RGS8: variants seen among roughly 807,000 people sequenced by gnomAD.
RGS8 encodes regulator of G-protein signaling 8.
Under a neutral mutation model 21.7 loss-of-function variants are expected in RGS8, and 8 were observed. The observed-to-expected ratio is 0.37, with a 90% CI of 0.22 to 0.66. The LOEUF (loss-of-function observed/expected upper bound fraction) is 0.66, where lower values mean the gene tolerates loss of function less well. Among genes scored for constraint, RGS8 ranks in the 30% least tolerant of loss-of-function variants. The pLI is 0.59. For synonymous variants in RGS8, 80 were observed against 83.6 expected, an observed-to-expected ratio of 0.96 and a Z score of 0.24; for missense variants, 157 against 217.9, an observed-to-expected ratio of 0.72 and a Z score of 1.76.
chr1:182,703,176 C>A, the RGS8 span, among the ~76,000 whole-genome samples: 1 of 152,132 alleles, frequency 6.6e-6, no homozygotes, highest in Non-Finnish European at 1.5e-5. Context: ...GATTCCTTAC[C>A]CTCTACAAAT....
chr1:182,707,430 G>C, the RGS8 span, among the ~76,000 whole-genome samples: 1 of 152,212 alleles, frequency 6.6e-6, no homozygotes, highest in Non-Finnish European at 1.5e-5. Context: ...CCAAGTTCAA[G>C]TATGAAGCAG....
intron 5 of RGS8, among the ~76,000 whole-genome samples, chr1:182,652,015 A>G (rs1198711081): frequency 1.3e-5 from 2 of 152,162 alleles, no homozygotes; most frequent in African/African-American, 2.4e-5. Flanking sequence ...CCTCCATCTT[A>G]CCACATTTTC....
the RGS8 span, among the ~76,000 whole-genome samples, chr1:182,708,512 C>T: frequency 6.6e-6 from 1 of 152,202 alleles, no homozygotes; most frequent in African/African-American, 2.4e-5. Context: ...GGTTTGAAGC[C>T]ATCAATGGAC....
At chr1:182,712,751 C>T in the RGS8 span, 1 of 152,066 alleles carries the variant, frequency 6.6e-6, no homozygotes. Context: ...ACAATATTGA[C>T]AGTTTATATT....
chr1:182,672,586 A>G (rs1032805466), upstream of RGS8, among the ~76,000 whole-genome samples: 5 of 151,958 alleles, frequency 3.3e-5, no homozygotes, highest in Admixed American at 2.0e-4. Flanking sequence ...CTTAATGAGA[A>G]ATTTCCACCT....
chr1:182,735,419 T>G, the RGS8 span, among the ~76,000 whole-genome samples: 1 of 152,220 alleles, frequency 6.6e-6, no homozygotes, highest in Admixed American at 6.5e-5. Flanking sequence ...TGTGGTAGAA[T>G]GCTCTGTCCA....
At chr1:182,717,768 G>A in the RGS8 span, among the ~76,000 whole-genome samples, 1 of 152,124 alleles carries the variant, frequency 6.6e-6, no homozygotes, top group Admixed American at 6.5e-5. Flanking sequence ...AAAAAGAGAG[G>A]AATTTTGTCT....
intron 1 of RGS8, among the ~76,000 whole-genome samples, chr1:182,682,180 G>A (rs942458817): frequency 1.3e-5 from 2 of 152,140 alleles, no homozygotes; most frequent in African/African-American, 2.4e-5. Flanking sequence ...TTTGTATAGC[G>A]CAGTCACAAG....
At chr1:182,646,745 C>A (rs201564212) in exon 7 of RGS8, 89 of 1,611,674 alleles carry the variant, frequency 5.5e-5, no homozygotes, top group Non-Finnish European at 7.4e-5. Flanking sequence ...CTAACTGAGC[C>A]TCCTCTGGCT....
the RGS8 span, among the ~76,000 whole-genome samples, chr1:182,705,760 A>T: frequency 6.6e-6 from 1 of 152,126 alleles, no homozygotes; most frequent in Non-Finnish European, 1.5e-5. Flanking sequence ...AGTTCCTTCC[A>T]ATTCTTCTCA....
chr1:182,670,629 G>A lies in RGS8; in HGVS notation c.-103-877C>T, dbSNP rs539390842. On this transcript the variant is annotated intron_variant, in intron 2 of 6. Transcript: ENST00000483095. ...CCCATTTTAAAAGGAACCTAATTTA[G>A]ATAGATAAGACTCCTATGTGAGCTA... 3.0e-4 allele frequency among the ~76,000 whole-genome samples: 45 copies of A among 152,238 alleles called. No individual in the cohort carries two copies. In the East Asian group the frequency reaches 8.5e-3, roughly 29 times the overall value.
At chr1:182,701,066 G>A in the RGS8 span, among the ~76,000 whole-genome samples, 1 of 152,202 alleles carries the variant, frequency 6.6e-6, no homozygotes, top group African/African-American at 2.4e-5. Flanking sequence ...GGTTTTAAAT[G>A]TGTCAAATGT....
chr1:182,720,914 T>TGTAA, the RGS8 span, among the ~76,000 whole-genome samples: 1 of 46,894 alleles, frequency 2.1e-5, no homozygotes, highest in African/African-American at 1.3e-4. Flanking sequence ...TATGTGTGTG[T>TGTAA]ATATACATAT....
At chr1:182,686,039 G>A (rs2102461627), upstream of RGS8, among the ~76,000 whole-genome samples, 1 of 152,292 alleles carries the variant, frequency 6.6e-6, no homozygotes, top group Non-Finnish European at 1.5e-5. Context: ...TCCCCTCAGA[G>A]GAGGCGTCCT....
exon 7 of RGS8, chr1:182,646,875 G>C (rs1662726820): frequency 6.2e-7 from 1 of 1,614,044 alleles, no homozygotes; most frequent in Admixed American, 1.7e-5. Context: ...GGCTCCTGCA[G>C]GTTCTTCCTC....
upstream of RGS8, among the ~76,000 whole-genome samples, chr1:182,687,021 A>C (rs1664726460): frequency 3.9e-5 from 6 of 152,056 alleles, no homozygotes; most frequent in Admixed American, 3.9e-4. Flanking sequence ...CTGAGATGAA[A>C]ATGGCAAAAA....
the RGS8 span, among the ~76,000 whole-genome samples, chr1:182,721,339 G>A: frequency 6.6e-6 from 1 of 152,278 alleles, no homozygotes; most frequent in East Asian, 1.9e-4. Context: ...ATTGGCTCAT[G>A]TCACTGGAAA....
At chr1:182,708,018 C>G in the RGS8 span, among the ~76,000 whole-genome samples, 1 of 152,126 alleles carries the variant, frequency 6.6e-6, no homozygotes, top group African/African-American at 2.4e-5. Flanking sequence ...GGGATTATTT[C>G]TTTCAATCAT....
upstream of RGS8, among the ~76,000 whole-genome samples, chr1:182,674,025 C>T (rs945741183): frequency 3.3e-5 from 5 of 152,184 alleles, no homozygotes; most frequent in East Asian, 1.9e-4. Context: ...AACAGAGACG[C>T]GTCATTTAAA....
Sources: allele counts gnomAD v4.1 joint callset (sites outside exome capture counted in the v4.1 genomes callset), GRCh38; gene constraint gnomAD v4.1.1; transcripts MANE v1.5; gene names NCBI Gene and HGNC (gene_info 2026-07-23, HGNC 2026-07-21).